The following SEC24D variants were observed in gnomAD, a reference collection of about 807,000 sequenced individuals.
SEC24D encodes protein transport protein Sec24D.
In SEC24D, 69 loss-of-function variants were observed where a neutral mutation model predicts 116.9. The ratio of observed to expected loss-of-function variants is 0.59; its 90% CI spans 0.49 to 0.72. The LOEUF (loss-of-function observed/expected upper bound fraction) is 0.72. Ranked by LOEUF, SEC24D falls within the 30% of genes least tolerant of loss-of-function variation. SEC24D has a pLI of 0.00. For synonymous variants in SEC24D, 405 were observed against 442.8 expected, an observed-to-expected ratio of 0.91 and a Z score of 1.07; for missense variants, 1,131 against 1,264.1, an observed-to-expected ratio of 0.89 and a Z score of 1.60.
intron 22 of SEC24D, among the ~76,000 whole-genome samples, chr4:118,727,872 T>C (rs1461989809): frequency 1.3e-5 from 2 of 152,150 alleles, no homozygotes; most frequent in East Asian, 1.9e-4. Flanking sequence ...TTGGTTCAGA[T>C]TGACATCACA....
At chr4:118,826,199 A>G (rs1048385809) in intron 2 of SEC24D, among the ~76,000 whole-genome samples, 1 of 152,166 alleles carries the variant, frequency 6.6e-6, no homozygotes, top group African/African-American at 2.4e-5. Context: ...ACTTTAATAC[A>G]AAGTTCTAAA....
chr4:118,809,633 CCTT>C (rs1156736258), intron 6 of SEC24D, among the ~76,000 whole-genome samples: 2 of 152,040 alleles, frequency 1.3e-5, no homozygotes, highest in African/African-American at 4.8e-5. Context: ...AGCATCTACT[CCTT>C]CTTGCTTTTG....
At chr4:118,792,143 G>A (rs1001617548) in intron 8 of SEC24D, among the ~76,000 whole-genome samples, 38 of 142,916 alleles carry the variant, frequency 2.7e-4, no homozygotes, top group Admixed American at 1.3e-3. Context: ...CCGCGACCCC[G>A]TCTGGGAACT....
intron 2 of SEC24D, 98 bp downstream of exon 2, chr4:118,833,481 G>C: frequency 1.3e-6 from 1 of 792,470 alleles, no homozygotes; most frequent in Non-Finnish European, 2.1e-6. Flanking sequence ...ATTATATAAT[G>C]ATCATTCAAT....
At chr4:118,729,734 C>T (rs1364957840) in intron 21 of SEC24D, 2 of 152,226 alleles carry the variant, frequency 1.3e-5, no homozygotes, top group Non-Finnish European at 2.9e-5. Flanking sequence ...AAGATGCCAA[C>T]AGCCAATGCA....
chr4:118,824,351 G>C lies in SEC24D; in HGVS notation c.248+269C>G, dbSNP rs566043022. ...TGTAGACATGAGGTCTCACTATGTTGCCTAGCCTGGTCTCAAACTCCTGGG... is the reference window on the plus strand; with the variant it reads ...TGTAGACATGAGGTCTCACTATGTTCCCTAGCCTGGTCTCAAACTCCTGGG... On this transcript the variant is annotated intron_variant, in intron 3 of 22. Transcript: ENST00000280551. Among the ~76,000 whole-genome samples, 169 of 152,164 alleles carry C rather than the reference G, an allele frequency of 1.1e-3. 1 individual carries two copies. In the Middle Eastern group the frequency reaches 0.014, roughly 12 times the overall value.
chr4:118,830,322 C>A (rs940448892), intron 2 of SEC24D, among the ~76,000 whole-genome samples: 26 of 152,136 alleles, frequency 1.7e-4, no homozygotes, highest in African/African-American at 5.1e-4. Context: ...CAGCACTTTG[C>A]GAGGCCAAGG....
At chr4:118,740,521 A>C (rs989174705) in intron 17 of SEC24D, 142 bp downstream of exon 17, 3 of 846,438 alleles carry the variant, frequency 3.5e-6, no homozygotes, top group Admixed American at 2.7e-5. Flanking sequence ...TGAGTGTTCT[A>C]ATCTACTGAC....
intron 10 of SEC24D, among the ~76,000 whole-genome samples, chr4:118,762,179 A>G (rs1416707995): frequency 6.6e-6 from 1 of 151,650 alleles, no homozygotes; most frequent in Non-Finnish European, 1.5e-5. Flanking sequence ...CCATAAACTT[A>G]TTAATGATAA....
chr4:118,809,625 C>T (rs1729820136), intron 6 of SEC24D, among the ~76,000 whole-genome samples: 1 of 152,118 alleles, frequency 6.6e-6, no homozygotes, highest in South Asian at 2.1e-4. Context: ...TGAGTCACAG[C>T]ATCTACTCCT....
In SEC24D at chr4:118,732,683, T is replaced by G. The variant is rs772012883; in HGVS notation, c.2676+50A>C. On this transcript the variant is annotated intron_variant, in intron 20 of 22. Coordinates refer to ENST00000280551, the MANE Select transcript of SEC24D (RefSeq NM_014822.4). The stretch of plus-strand genomic sequence containing the variant: ...ATAACATACGGGAAAGCACAAAATA[T>G]GATTCCCTTCCAGCCTCCTCTGGGA... The G allele has an allele frequency of 7.1e-6, 11 of 1,547,736 alleles. No individual in the cohort carries two copies. In the Admixed American group the frequency reaches 2.0e-4, roughly 28 times the overall value.
At chr4:118,739,346 C>G in intron 17 of SEC24D, 59 bp from the exon 18 acceptor site, 1 of 1,504,646 alleles carries the variant, frequency 6.6e-7, no homozygotes, top group Non-Finnish European at 9.1e-7. Context: ...CCCAAGCTAA[C>G]TTGATCTTAC....
At chr4:118,794,528 T>G (rs1191717798) in intron 8 of SEC24D, among the ~76,000 whole-genome samples, 1 of 152,234 alleles carries the variant, frequency 6.6e-6, no homozygotes, top group Non-Finnish European at 1.5e-5. Flanking sequence ...AATTGCTTCC[T>G]ATGATATTTT....
chr4:118,832,733 A>G (rs1186004909), intron 2 of SEC24D, among the ~76,000 whole-genome samples: 1 of 152,302 alleles, frequency 6.6e-6, no homozygotes, highest in Middle Eastern at 3.4e-3. Context: ...AAAAGCTTTT[A>G]GGGCCAGATT....
At chr4:118,774,021 C>G (rs1219258255) in intron 8 of SEC24D, among the ~76,000 whole-genome samples, 5 of 151,928 alleles carry the variant, frequency 3.3e-5, no homozygotes, top group Non-Finnish European at 7.4e-5. Flanking sequence ...GGATAAGACA[C>G]TTAATACATT....
At chr4:118,778,545 C>T (rs1218243187) in intron 8 of SEC24D, among the ~76,000 whole-genome samples, 5 of 152,200 alleles carry the variant, frequency 3.3e-5, no homozygotes, top group Non-Finnish European at 7.4e-5. Flanking sequence ...TAGTGTGATG[C>T]CTCCAGCTTT....
At chr4:118,790,382 A>C (rs1012666062) in intron 8 of SEC24D, among the ~76,000 whole-genome samples, 2 of 152,204 alleles carry the variant, frequency 1.3e-5, no homozygotes, top group Admixed American at 1.3e-4. Context: ...TAGAGAAAAA[A>C]ATGCAAAATT....
At chr4:118,799,395 G>T (rs1729324606) in intron 7 of SEC24D, among the ~76,000 whole-genome samples, 1 of 152,128 alleles carries the variant, frequency 6.6e-6, no homozygotes, top group African/African-American at 2.4e-5. Flanking sequence ...TGTCCAATTT[G>T]GGAAATCTAT....
intron 8 of SEC24D, among the ~76,000 whole-genome samples, chr4:118,796,744 T>G (rs1729197623): frequency 6.6e-6 from 1 of 152,228 alleles, no homozygotes; most frequent in Non-Finnish European, 1.5e-5. Context: ...GGAACGAATC[T>G]GTTTGCTCTT....
Sources: allele counts gnomAD v4.1 joint callset (sites outside exome capture counted in the v4.1 genomes callset), GRCh38; gene constraint gnomAD v4.1.1; transcripts MANE v1.5; gene names NCBI Gene and HGNC (gene_info 2026-07-23, HGNC 2026-07-21).